The following ACYP2 variants were observed in gnomAD, a reference collection of about 807,000 sequenced individuals.
ACYP2 encodes acylphosphatase-2.
In ACYP2, 12 loss-of-function variants were observed where a neutral mutation model predicts 11.2. That is an observed-to-expected ratio of 1.08 (90% CI 0.69 to 1.74). The LOEUF is 1.74. Ranked by LOEUF, ACYP2 falls within the 40% of genes most tolerant of loss-of-function variation. The pLI is 0.00. For synonymous variants in ACYP2, 43 were observed against 32.2 expected, an observed-to-expected ratio of 1.33 and a Z score of -1.13; for missense variants, 134 against 101.9, an observed-to-expected ratio of 1.31 and a Z score of -1.35.
intron 2 of ACYP2, among the ~76,000 whole-genome samples, chr2:54,036,387 C>A (rs938241841): frequency 6.6e-6 from 1 of 152,222 alleles, no homozygotes; most frequent in Non-Finnish European, 1.5e-5. Flanking sequence ...AGCCACCGCA[C>A]CCAGCCCAAA....
chr2:54,015,078 A>G (rs530166261), intron 2 of ACYP2, among the ~76,000 whole-genome samples: 2 of 152,342 alleles, frequency 1.3e-5, no homozygotes, highest in South Asian at 2.1e-4. Context: ...TTAGAAAGTC[A>G]GAGTCTTGCT....
intron 6 of ACYP2, among the ~76,000 whole-genome samples, chr2:54,231,291 T>G (rs1466935770): frequency 6.6e-6 from 1 of 152,204 alleles, no homozygotes; most frequent in Admixed American, 6.5e-5. Context: ...AGAATAAATC[T>G]CTTAAAATAT....
chr2:54,267,013 C>T (rs571202095), intron 6 of ACYP2, among the ~76,000 whole-genome samples: 78 of 152,216 alleles, frequency 5.1e-4, no homozygotes, highest in Admixed American at 4.5e-3. Flanking sequence ...TTAAACTCTA[C>T]GGGGTACTCT....
intron 4 of ACYP2, among the ~76,000 whole-genome samples, chr2:54,096,942 T>A (rs1030842045): frequency 2.6e-5 from 4 of 152,184 alleles, no homozygotes; most frequent in Admixed American, 6.5e-5. Flanking sequence ...ACTCTTGACC[T>A]CAAGCAATCC....
intron 2 of ACYP2, among the ~76,000 whole-genome samples, chr2:54,034,762 G>A (rs1264849026): frequency 6.6e-6 from 1 of 152,084 alleles, no homozygotes; most frequent in African/African-American, 2.4e-5. Context: ...TGTAATCCCA[G>A]CACTTTGGGA....
intron 2 of ACYP2, chr2:53,973,898 T>TGG (rs1671320193): frequency 8.8e-6 from 1 of 113,186 alleles, no homozygotes; most frequent in Non-Finnish European, 1.7e-5. Flanking sequence ...TGTGTGTGTG[T>TGG]GTGTATATAT....
intron 6 of ACYP2, among the ~76,000 whole-genome samples, chr2:54,210,211 C>T (rs1236179858): frequency 1.3e-5 from 2 of 150,514 alleles, no homozygotes; most frequent in East Asian, 1.9e-4. Context: ...CTCTTAAATC[C>T]TTGATAAAAC....
intron 3 of ACYP2, among the ~76,000 whole-genome samples, chr2:54,053,949 AG>A (rs1573617185): frequency 6.6e-6 from 1 of 152,250 alleles, no homozygotes; most frequent in African/African-American, 2.4e-5. Context: ...ATTTCAAGAA[AG>A]GGAAGAAAGC....
chr2:54,045,709 G>A (rs371418817), intron 2 of ACYP2, among the ~76,000 whole-genome samples: 11 of 152,054 alleles, frequency 7.2e-5, no homozygotes, highest in South Asian at 2.1e-4. Context: ...CCAGCTACTC[G>A]GGAGGCTGAG....
At chr2:54,017,279 T>TTTTG in intron 2 of ACYP2, among the ~76,000 whole-genome samples, 1 of 147,146 alleles carries the variant, frequency 6.8e-6, no homozygotes, top group Non-Finnish European at 1.5e-5. Flanking sequence ...TTTCTTTTTT[T>TTTTG]TTTTTTTTTG....
intron 6 of ACYP2, among the ~76,000 whole-genome samples, chr2:54,243,196 A>G (rs1686804960): frequency 6.6e-6 from 1 of 152,102 alleles, no homozygotes; most frequent in Admixed American, 6.5e-5. Context: ...AACACTGGGG[A>G]TACATTCTGA....
chr2:54,207,147 T>C (rs914268202), intron 6 of ACYP2, among the ~76,000 whole-genome samples: 2 of 136,974 alleles, frequency 1.5e-5, no homozygotes, highest in Non-Finnish European at 3.1e-5. Flanking sequence ...CTCAAGTTAT[T>C]ATATGTACAT....
At chr2:54,235,660 GT>G (rs943201629) in intron 6 of ACYP2, among the ~76,000 whole-genome samples, 6 of 151,958 alleles carry the variant, frequency 3.9e-5, no homozygotes, top group South Asian at 2.1e-4. Flanking sequence ...AACCTATAGG[GT>G]TTTTTTTGGA....
intron 2 of ACYP2, among the ~76,000 whole-genome samples, chr2:54,002,509 C>A (rs1205442094): frequency 9.2e-5 from 14 of 151,826 alleles, no homozygotes; most frequent in Admixed American, 9.2e-4. Flanking sequence ...CCATGCCCGG[C>A]TAATTTTTGT....
chr2:54,121,781 T>C (rs901995079), intron 4 of ACYP2, among the ~76,000 whole-genome samples: 15 of 152,274 alleles, frequency 9.9e-5, no homozygotes, highest in African/African-American at 3.6e-4. Flanking sequence ...CAGCTACAGT[T>C]ATCTGTGTAC....
At position 54,197,920 on chromosome 2, in the gene ACYP2, T is replaced by G. The variant is rs968165286; in HGVS notation, c.404+59172T>G. 1.1e-4 allele frequency among the ~76,000 whole-genome samples: 13 copies of G among 115,520 alleles called. No individual in the cohort carries two copies. The South Asian group carries it at 1.3e-3, about 11-fold the overall frequency. 75.8% of individuals were successfully genotyped at this position (115,520 alleles called of 152,430 possible). On this transcript the variant is annotated intron_variant, in intron 6 of 6. Coordinates refer to ENST00000607452, the MANE Select transcript of ACYP2 (RefSeq NM_001320586.2). The stretch of plus-strand genomic sequence containing the variant: ...TTTTATTTTATTTTATTTTATTATT[T>G]TATTTTATTTATGTATGTATTATAT...
chr2:54,056,910 T>C (rs566140315), intron 3 of ACYP2, among the ~76,000 whole-genome samples: 14 of 152,332 alleles, frequency 9.2e-5, no homozygotes, highest in Non-Finnish European at 1.8e-4. Context: ...GACAAATGCT[T>C]TTTATTTCAT....
intron 6 of ACYP2, among the ~76,000 whole-genome samples, chr2:54,238,549 C>T (rs1322096831): frequency 6.6e-6 from 1 of 152,064 alleles, no homozygotes; most frequent in Admixed American, 6.5e-5. Flanking sequence ...TATCATTGAT[C>T]ATATTTCTGT....
chr2:54,091,000 A>C (rs1328661596), intron 4 of ACYP2, among the ~76,000 whole-genome samples: 1 of 152,238 alleles, frequency 6.6e-6, no homozygotes, highest in Non-Finnish European at 1.5e-5. Context: ...ATGAACGCTG[A>C]CATAATTGTT....
Sources: allele counts gnomAD v4.1 joint callset (sites outside exome capture counted in the v4.1 genomes callset), GRCh38; gene constraint gnomAD v4.1.1; transcripts MANE v1.5; gene names NCBI Gene and HGNC (gene_info 2026-07-23, HGNC 2026-07-21).